The following CDYL variants were observed in gnomAD, a reference collection of about 807,000 sequenced individuals.
The protein encoded by CDYL is chromodomain Y-like protein.
In CDYL, 8 loss-of-function variants were observed where a neutral mutation model predicts 47.3. The observed-to-expected ratio is 0.17, with a 90% CI of 0.10 to 0.31. The LOEUF (loss-of-function observed/expected upper bound fraction) is 0.31, where lower values mean the gene tolerates loss of function less well. Among genes scored for constraint, CDYL ranks in the 10% least tolerant of loss-of-function variants. The pLI, the probability that CDYL is intolerant of heterozygous loss-of-function variation, is 1.00. For missense variants in CDYL, 471 were observed against 701.4 expected (o/e 0.67, Z 3.71); for synonymous variants, 266 against 265.0 (o/e 1.00, Z -0.04).
At chr6:4,773,561 C>T (rs980431443), upstream of CDYL, among the ~76,000 whole-genome samples, 10 of 152,086 alleles carry the variant, frequency 6.6e-5, no homozygotes, top group South Asian at 2.1e-4. The surrounding 1 kb of genome is among the most constrained non-coding windows in gnomAD (Gnocchi z 4.6). Context: ...ACAAATTGAA[C>T]GAATGAGGTT....
intron 3 of CDYL, among the ~76,000 whole-genome samples, chr6:4,754,167 C>T (rs904521056): frequency 7.2e-5 from 11 of 152,220 alleles, no homozygotes; most frequent in Middle Eastern, 3.4e-3. Context: ...TTGATTACTT[C>T]ATAAATTTCA....
chr6:4,760,308 G>T (rs1758154998), intron 3 of CDYL, among the ~76,000 whole-genome samples: 1 of 150,104 alleles, frequency 6.7e-6, no homozygotes, highest in Admixed American at 6.7e-5. Context: ...ACCCTTTGGA[G>T]CTCCCCCTTG....
At chr6:4,804,272 G>A (rs1264756531) in intron 1 of CDYL, among the ~76,000 whole-genome samples, 1 of 152,168 alleles carries the variant, frequency 6.6e-6, no homozygotes, top group Non-Finnish European at 1.5e-5. Context: ...CCACGAGAAT[G>A]GTGGGCCTGA....
intron 1 of CDYL, among the ~76,000 whole-genome samples, chr6:4,855,558 G>A (rs914688161): frequency 2.0e-5 from 3 of 151,990 alleles, no homozygotes; most frequent in Non-Finnish European, 4.4e-5. Context: ...ATGCACCCAC[G>A]ATTTTTCACA....
chr6:4,766,596 A>C (rs757063980), intron 3 of CDYL, among the ~76,000 whole-genome samples: 16 of 152,210 alleles, frequency 1.1e-4, no homozygotes, highest in Non-Finnish European at 1.5e-4. Flanking sequence ...CTTTATAAGC[A>C]AATGCATACA....
chr6:4,751,337 A>C (rs1757986741), intron 3 of CDYL, among the ~76,000 whole-genome samples: 1 of 152,196 alleles, frequency 6.6e-6, no homozygotes, highest in South Asian at 2.1e-4. Context: ...ACCCAGACCT[A>C]TGGAGTCAAA....
chr6:4,801,605 G>GGTGGTGGTTTTAGTGTGGCACCCTGTGA (rs1404602332), intron 1 of CDYL, among the ~76,000 whole-genome samples: 4 of 152,236 alleles, frequency 2.6e-5, no homozygotes, highest in Admixed American at 2.6e-4. Context: ...TCTTTGCACT[G>GGTGGTGGTTTTAGTGTGGCACCCTGTGA]GTGGTGGTTT....
At chr6:4,728,658 G>C (rs1269394790) in intron 2 of CDYL, among the ~76,000 whole-genome samples, 1 of 152,098 alleles carries the variant, frequency 6.6e-6, no homozygotes, top group Non-Finnish European at 1.5e-5. Flanking sequence ...CATTTTACTG[G>C]ACACTTGTCG....
intron 2 of CDYL, among the ~76,000 whole-genome samples, chr6:4,722,697 T>C (rs989899549): frequency 5.3e-5 from 8 of 152,084 alleles, no homozygotes; most frequent in African/African-American, 1.9e-4. Flanking sequence ...ACCAACGTGG[T>C]GAAACTCCAT....
intron 1 of CDYL, among the ~76,000 whole-genome samples, chr6:4,880,860 C>T (rs1234103510): frequency 6.6e-6 from 1 of 152,192 alleles, no homozygotes; most frequent in East Asian, 1.9e-4. Context: ...ATTTTTAAAT[C>T]AGTTTCACTT....
chr6:4,751,388 A>T (rs1188268124), intron 3 of CDYL, among the ~76,000 whole-genome samples: 1 of 152,236 alleles, frequency 6.6e-6, no homozygotes, highest in Non-Finnish European at 1.5e-5. Flanking sequence ...TTGCAAGCAC[A>T]TTAAAGTTCA....
chr6:4,762,847 G>C (rs549494361), intron 3 of CDYL, among the ~76,000 whole-genome samples: 1 of 152,196 alleles, frequency 6.6e-6, no homozygotes, highest in South Asian at 2.1e-4. Context: ...ACTCAGAAGG[G>C]AAGAAGAGAC....
intron 1 of CDYL, among the ~76,000 whole-genome samples, chr6:4,852,354 T>TCTTC (rs201796324): frequency 0.022 from 3,012 of 136,978 alleles, 89 homozygotes; most frequent in East Asian, 0.091. Context: ...TTCCTTCCAA[T>TCTTC]CTTCCTTCCT....
intron 3 of CDYL, among the ~76,000 whole-genome samples, chr6:4,766,858 G>A (rs969211138): frequency 3.3e-5 from 5 of 151,864 alleles, no homozygotes; most frequent in South Asian, 2.1e-4. Flanking sequence ...AAAGTTGGCC[G>A]GGCATGGTGG....
rs1759684510 is a variant in CDYL at position 4,816,633 on chromosome 6, G to C, written c.24+39826G>C. ...TCCACCTCAGCCTCCTGAATTGCTGGGACTACCACCATGCCTGGCTAATTT... is the reference window on the plus strand; with the variant it reads ...TCCACCTCAGCCTCCTGAATTGCTGCGACTACCACCATGCCTGGCTAATTT... On this transcript the variant is annotated intron_variant, in intron 1 of 6. Transcript: ENST00000397588. Among the ~76,000 whole-genome samples the C allele has an allele frequency of 2.0e-5, 3 of 151,430 alleles. No homozygotes were observed. In the South Asian group the frequency reaches 6.3e-4, roughly 32 times the overall value.
chr6:4,907,710 C>T (rs1346677718), intron 2 of CDYL, among the ~76,000 whole-genome samples: 2 of 152,200 alleles, frequency 1.3e-5, no homozygotes, highest in Non-Finnish European at 2.9e-5. Context: ...ATGCTCAAAA[C>T]TGATCGCAAA....
chr6:4,919,892 A>C (rs1757662630), intron 2 of CDYL, among the ~76,000 whole-genome samples: 1 of 151,996 alleles, frequency 6.6e-6, no homozygotes, highest in African/African-American at 2.4e-5. Flanking sequence ...CCGGGTGGTG[A>C]AGAAATCTTT....
chr6:4,904,427 C>G (rs1434852622), intron 2 of CDYL, among the ~76,000 whole-genome samples: 1 of 152,226 alleles, frequency 6.6e-6, no homozygotes, highest in Non-Finnish European at 1.5e-5. Context: ...AAGCTTATCT[C>G]CAAAGTGTTT....
chr6:4,947,672 T>G (rs576154001), intron 5 of CDYL, among the ~76,000 whole-genome samples: 1 of 152,218 alleles, frequency 6.6e-6, no homozygotes, highest in South Asian at 2.1e-4. Flanking sequence ...GTCTGTCCAC[T>G]CCCCTCGTCA....
Sources: gnomAD v4.1 joint callset for allele counts (sites outside exome capture counted in the v4.1 genomes callset) on GRCh38, gnomAD v4.1.1 for gene constraint, Gnocchi (gnomAD v3.1) non-coding constraint, MANE v1.5 for transcripts, NCBI Gene and HGNC (gene_info 2026-07-23, HGNC 2026-07-21) for gene names.